Variants in RNLS observed in about 807,000 individuals in gnomAD.
The protein encoded by RNLS is renalase, FAD dependent amine oxidase, also known as renalase.
In RNLS, 39 loss-of-function variants were observed where a neutral mutation model predicts 39.8. That is an observed-to-expected ratio of 0.98 (90% CI 0.76 to 1.28). RNLS has a LOEUF of 1.28. Among genes scored for constraint, RNLS ranks in the 50% most tolerant of loss-of-function variants. RNLS has a pLI of 0.00. For missense variants in RNLS, 410 were observed against 413.3 expected, an observed-to-expected ratio of 0.99 and a Z score of 0.07; for synonymous variants, 147 against 150.7, an observed-to-expected ratio of 0.98 and a Z score of 0.18.
chr10:88,428,587 A>T (rs1438469914), intron 4 of RNLS, among the ~76,000 whole-genome samples: 1 of 151,988 alleles, frequency 6.6e-6, no homozygotes, highest in Non-Finnish European at 1.5e-5. Flanking sequence ...GACAGTCACA[A>T]ATGTGTAAAC....
At chr10:88,312,092 A>C (rs1467985803) in intron 6 of RNLS, among the ~76,000 whole-genome samples, 8 of 152,202 alleles carry the variant, frequency 5.3e-5, no homozygotes, top group Admixed American at 6.5e-5. Context: ...TCCATGTCTT[A>C]ATCCCTGGAA....
chr10:88,511,378 C>G (rs2576166), intron 4 of RNLS, among the ~76,000 whole-genome samples: 68,179 of 151,982 alleles, frequency 0.45, 15,645 homozygotes, highest in East Asian at 0.58. Context: ...GCCATTTTCT[C>G]AAACAGTGAA....
At chr10:88,552,312 A>G (rs1220918301) in intron 4 of RNLS, among the ~76,000 whole-genome samples, 1 of 152,210 alleles carries the variant, frequency 6.6e-6, no homozygotes, top group East Asian at 1.9e-4. Flanking sequence ...CAACTAGAAG[A>G]TAAGTGCAAC....
At chr10:88,236,964 G>A in the RNLS span, among the ~76,000 whole-genome samples, 2 of 152,128 alleles carry the variant, frequency 1.3e-5, no homozygotes, top group African/African-American at 4.8e-5. Context: ...GACTACTGGA[G>A]TGTGTTTTTC....
intron 4 of RNLS, among the ~76,000 whole-genome samples, chr10:88,412,825 G>A (rs908333024): frequency 4.6e-5 from 7 of 152,090 alleles, no homozygotes; most frequent in Non-Finnish European, 7.4e-5. Context: ...CAAAGTAAAG[G>A]GTAGTTACCC....
At chr10:88,487,345 A>G (rs1844590898) in intron 4 of RNLS, among the ~76,000 whole-genome samples, 1 of 152,048 alleles carries the variant, frequency 6.6e-6, no homozygotes, top group Non-Finnish European at 1.5e-5. Context: ...TAATAAAGTC[A>G]TCTTTGAAAA....
chr10:88,317,988 G>C (rs1020428016), intron 5 of RNLS, among the ~76,000 whole-genome samples: 2 of 152,218 alleles, frequency 1.3e-5, no homozygotes, highest in Admixed American at 1.3e-4. Context: ...GGGCAATGCT[G>C]TCAGTGGTGA....
At chr10:88,267,831 G>A in the RNLS span, among the ~76,000 whole-genome samples, 125 of 152,330 alleles carry the variant, frequency 8.2e-4, no homozygotes, top group Middle Eastern at 3.4e-3. Context: ...GAGAAGTCAT[G>A]TGATTCAGTG....
chr10:88,573,041 G>T lies in RNLS; in HGVS notation c.388C>A (p.His130Asn). Reference sequence around the variant, plus strand: ...CTTAGGTTGATCTGTGTCACACGATGTCTGAAGTAGACTTCTGCACCTGTT... The same window carrying T: ...CTTAGGTTGATCTGTGTCACACGATTTCTGAAGTAGACTTCTGCACCTGTT... ...KESGAEVYFR[H>N]RVTQINLRDD... The change falls in exon 4 of 7, where the codon CAT becomes AAT. Residue 130 changes from histidine (H) to asparagine (N), a missense_variant. Transcript: ENST00000331772. The T allele has an allele frequency of 1.9e-6, 3 of 1,613,920 alleles. No individual in the cohort carries two copies. The South Asian group carries it at 3.3e-5, about 18-fold the overall frequency.
intron 6 of RNLS, among the ~76,000 whole-genome samples, chr10:88,278,549 GTTGA>G (rs1842895558): frequency 6.6e-6 from 1 of 152,164 alleles, no homozygotes; most frequent in Admixed American, 6.6e-5. Flanking sequence ...CAGAAGCTAT[GTTGA>G]TTGTTTGCAC....
At chr10:88,262,212 C>T in the RNLS span, among the ~76,000 whole-genome samples, 1 of 151,864 alleles carries the variant, frequency 6.6e-6, no homozygotes, top group Non-Finnish European at 1.5e-5. Flanking sequence ...TGTAGGTTTA[C>T]CAGTGTCGCA....
chr10:88,198,483 C>T, the RNLS span, among the ~76,000 whole-genome samples: 1 of 152,104 alleles, frequency 6.6e-6, no homozygotes, highest in African/African-American at 2.4e-5. Flanking sequence ...CATATTTTAT[C>T]AAGTTTTATG....
At chr10:88,286,661 T>C (rs1400554103) in intron 6 of RNLS, among the ~76,000 whole-genome samples, 1 of 151,888 alleles carries the variant, frequency 6.6e-6, no homozygotes, top group East Asian at 1.9e-4. Flanking sequence ...TGGATAGTAA[T>C]AGAGTAAGGC....
chr10:88,454,989 G>A (rs1842548732), intron 4 of RNLS, among the ~76,000 whole-genome samples: 1 of 152,110 alleles, frequency 6.6e-6, no homozygotes, highest in Non-Finnish European at 1.5e-5. Flanking sequence ...AGATATACTA[G>A]GAACTGAGAA....
At chr10:88,278,054 G>A (rs930206583) in intron 6 of RNLS, among the ~76,000 whole-genome samples, 1 of 152,100 alleles carries the variant, frequency 6.6e-6, no homozygotes, top group African/African-American at 2.4e-5. Flanking sequence ...TAGTTAAAAT[G>A]GTTTATTTAG....
chr10:88,435,305 A>C (rs1466807768), intron 4 of RNLS, among the ~76,000 whole-genome samples: 1 of 152,106 alleles, frequency 6.6e-6, no homozygotes, highest in Non-Finnish European at 1.5e-5. Context: ...CACTGCAATG[A>C]GCATACTTAT....
At chr10:88,566,637 A>G (rs1251462270) in intron 4 of RNLS, among the ~76,000 whole-genome samples, 1 of 152,156 alleles carries the variant, frequency 6.6e-6, no homozygotes, top group African/African-American at 2.4e-5. Flanking sequence ...GCCAAAAGGA[A>G]CTCTTGAAAA....
At chr10:88,194,128 C>G in the RNLS span, among the ~76,000 whole-genome samples, 2 of 152,218 alleles carry the variant, frequency 1.3e-5, no homozygotes, top group East Asian at 3.8e-4. Flanking sequence ...TCTCCAAATT[C>G]TCTTCAAAGA....
At chr10:88,511,133 T>G (rs1027381607) in intron 4 of RNLS, among the ~76,000 whole-genome samples, 3 of 151,978 alleles carry the variant, frequency 2.0e-5, no homozygotes, top group Non-Finnish European at 4.4e-5. Context: ...CAATGGGACA[T>G]TATCTCCTTC....
Sources: gnomAD v4.1 joint callset for allele counts (sites outside exome capture counted in the v4.1 genomes callset) on GRCh38, gnomAD v4.1.1 for gene constraint, MANE v1.5 for transcripts, NCBI Gene and HGNC (gene_info 2026-07-23, HGNC 2026-07-21) for gene names.